RTTN: variants seen among roughly 807,000 people sequenced by gnomAD.
The protein encoded by RTTN is rotatin.
In RTTN, 182 loss-of-function variants were observed where a neutral mutation model predicts 269.2. That is an observed-to-expected ratio of 0.68 (90% CI 0.60 to 0.76). RTTN has a LOEUF of 0.76. RTTN is among the 30% of genes least tolerant of loss of function. The pLI is 0.00. For synonymous variants in RTTN, 1,006 were observed against 963.5 expected, an observed-to-expected ratio of 1.04 and a Z score of -0.82; for missense variants, 2,545 against 2,608.6, an observed-to-expected ratio of 0.98 and a Z score of 0.53.
chr18:70,176,046 A>C (rs2061284137), intron 11 of RTTN, among the ~76,000 whole-genome samples: 1 of 152,114 alleles, frequency 6.6e-6, no homozygotes, highest in Non-Finnish European at 1.5e-5. Flanking sequence ...TAAAAGATAC[A>C]AGTGTACCAA....
intron 27 of RTTN, among the ~76,000 whole-genome samples, chr18:70,111,449 G>C (rs949774222): frequency 2.0e-5 from 3 of 152,170 alleles, no homozygotes; most frequent in African/African-American, 7.2e-5. Context: ...GCAAACTCCA[G>C]CAGACCGGCA....
chr18:70,192,276 T>C (rs2061689368), intron 8 of RTTN, among the ~76,000 whole-genome samples: 1 of 152,152 alleles, frequency 6.6e-6, no homozygotes, highest in Admixed American at 6.6e-5. Context: ...TTTTTTAGAA[T>C]GACACTAAAG....
intron 46 of RTTN, among the ~76,000 whole-genome samples, chr18:70,012,492 G>A (rs1025702958): frequency 2.0e-5 from 3 of 148,384 alleles, no homozygotes; most frequent in Non-Finnish European, 4.5e-5. Flanking sequence ...ACAGGGCAGT[G>A]TCTGCTCACT....
intron 23 of RTTN, among the ~76,000 whole-genome samples, chr18:70,132,885 C>T (rs2145655997): frequency 6.6e-6 from 1 of 152,198 alleles, no homozygotes; most frequent in East Asian, 1.9e-4. Context: ...AACCCTTTCT[C>T]CTCTTTACGG....
intron 23 of RTTN, chr18:70,130,795 T>C (rs898443174): frequency 1.3e-5 from 2 of 152,026 alleles, no homozygotes; most frequent in African/African-American, 4.8e-5. Context: ...AGATCTGAAA[T>C]GTTCCTAACA....
chr18:70,051,477 T>G lies in RTTN; in HGVS notation c.5257A>C (p.Lys1753Gln). The G allele has an allele frequency of 6.2e-7, 1 of 1,613,916 alleles. No individual in the cohort carries two copies. The highest frequency in any genetic ancestry group is 8.5e-7 in the Non-Finnish European group (1 of 1,179,818). ...LFNLLAMLLR[K>Q]AGAITLPFVT... The stretch of plus-strand genomic sequence containing the variant: ...AACGGGAGTGTGATGGCACCAGCTT[T>G]CCTCAGGAGCATGGCCAGAAGATTA... Residue 1753 changes from lysine (K) to glutamine (Q), a missense_variant, in exon 39 of 49, where the codon AAA becomes CAA. Lys to Gln is a moderately conservative substitution (Grantham distance 53, BLOSUM62 1). Coordinates refer to ENST00000640769, the MANE Select transcript of RTTN (RefSeq NM_173630.4).
chr18:70,037,733 G>A (rs1168574260), intron 40 of RTTN, among the ~76,000 whole-genome samples: 1 of 151,924 alleles, frequency 6.6e-6, no homozygotes, highest in Admixed American at 6.6e-5. Context: ...AAAGCAGAGG[G>A]GAAAGTAAAG....
intron 32 of RTTN, among the ~76,000 whole-genome samples, chr18:70,083,371 A>C (rs914749173): frequency 1.3e-5 from 2 of 152,204 alleles, no homozygotes; most frequent in South Asian, 4.1e-4. Context: ...CATTTTAATG[A>C]ATCAGTCAAG....
chr18:70,068,117 A>C (rs950925610), intron 34 of RTTN, among the ~76,000 whole-genome samples: 1 of 152,232 alleles, frequency 6.6e-6, no homozygotes. Flanking sequence ...AAAAAGTATT[A>C]AAGCAAATTG....
intron 14 of RTTN, among the ~76,000 whole-genome samples, chr18:70,165,722 A>G (rs570634659): frequency 6.6e-6 from 1 of 152,260 alleles, no homozygotes; most frequent in Non-Finnish European, 1.5e-5. Context: ...AATTAAAACC[A>G]TAAAATCTAG....
In RTTN at chr18:70,188,331, TTC is replaced by T. The variant is rs1218546351; in HGVS notation, c.1190-110_1190-109del. On this transcript the variant is annotated intron_variant, in intron 9 of 48. Transcript: ENST00000640769. ...TTCTAGTTAGTCATGCTCCAACATT[TTC>T]TCTTTTTTTCTAATGTTCTTAGAAC... 7.9e-6 allele frequency: 5 copies of T among 636,100 alleles called. No homozygotes were observed. The East Asian group carries it at 8.1e-5, about 10-fold the overall frequency. The allele number at this position is 636,100 out of a possible 1,614,324, so 39.4% of individuals were successfully genotyped here.
chr18:70,042,730 T>C (rs1307782273), intron 40 of RTTN, among the ~76,000 whole-genome samples: 1 of 152,206 alleles, frequency 6.6e-6, no homozygotes, highest in African/African-American at 2.4e-5. Flanking sequence ...AGACTATGGC[T>C]TCTAAATTCT....
chr18:70,027,608 C>T (rs1382916115), intron 43 of RTTN, among the ~76,000 whole-genome samples: 2 of 152,106 alleles, frequency 1.3e-5, no homozygotes, highest in Non-Finnish European at 1.5e-5. Flanking sequence ...TGAATATTAA[C>T]TGCACATACA....
chr18:70,026,619 G>C (rs1279007630), intron 43 of RTTN, among the ~76,000 whole-genome samples: 1 of 152,094 alleles, frequency 6.6e-6, no homozygotes, highest in Non-Finnish European at 1.5e-5. Flanking sequence ...AAATTACCTA[G>C]TCTCAGATAT....
intron 10 of RTTN, among the ~76,000 whole-genome samples, chr18:70,183,386 T>C (rs2061462420): frequency 6.6e-6 from 1 of 152,076 alleles, no homozygotes; most frequent in Non-Finnish European, 1.5e-5. Flanking sequence ...ACTCTGTAAA[T>C]ACAGGCCAAA....
intron 14 of RTTN, among the ~76,000 whole-genome samples, chr18:70,160,733 G>A (rs1312678372): frequency 6.7e-6 from 1 of 149,858 alleles, no homozygotes; most frequent in Non-Finnish European, 1.5e-5. Context: ...CTTCGGTGAA[G>A]TTCCAAGATA....
At chr18:70,083,461 A>G (rs2058623744) in intron 32 of RTTN, among the ~76,000 whole-genome samples, 1 of 152,190 alleles carries the variant, frequency 6.6e-6, no homozygotes, top group African/African-American at 2.4e-5. Flanking sequence ...GTCCTGTCAG[A>G]AACAAACATT....
intron 10 of RTTN, among the ~76,000 whole-genome samples, chr18:70,184,212 A>G (rs780768024): frequency 2.6e-5 from 4 of 152,388 alleles, no homozygotes; most frequent in African/African-American, 4.8e-5. Context: ...ACTCAAATGT[A>G]TAAGACCTAT....
chr18:70,008,578 T>C (rs2056269678), intron 46 of RTTN: 1 of 151,462 alleles, frequency 6.6e-6, no homozygotes, highest in African/African-American at 2.4e-5. Context: ...TGATGGGAGC[T>C]GAAAAACATA....
Sources: allele counts gnomAD v4.1 joint callset (sites outside exome capture counted in the v4.1 genomes callset), GRCh38; gene constraint gnomAD v4.1.1; transcripts MANE v1.5; gene names NCBI Gene and HGNC (gene_info 2026-07-23, HGNC 2026-07-21).